The following ARMC9 variants were observed in gnomAD, a reference collection of about 807,000 sequenced individuals.
ARMC9 encodes lisH domain-containing protein ARMC9.
Under a neutral mutation model 107.0 loss-of-function variants are expected in ARMC9, and 94 were observed. The ratio of observed to expected loss-of-function variants is 0.88; its 90% confidence interval spans 0.74 to 1.04. The LOEUF is 1.04. Ranked by LOEUF, ARMC9 falls within the 50% of genes least tolerant of loss-of-function variation. The pLI is 0.00. For synonymous variants in ARMC9, 380 were observed against 396.9 expected (o/e 0.96, Z 0.51); for missense variants, 942 against 1,030.1 (o/e 0.91, Z 1.17).
At chr2:231,365,665 C>T (rs951686480) in intron 23 of ARMC9, among the ~76,000 whole-genome samples, 1 of 139,592 alleles carries the variant, frequency 7.2e-6, no homozygotes, top group Non-Finnish European at 1.6e-5. Context: ...AGGAACCAGC[C>T]GCACACACAG....
At chr2:231,308,267 C>T (rs1453171805) in intron 19 of ARMC9, among the ~76,000 whole-genome samples, 3 of 152,354 alleles carry the variant, frequency 2.0e-5, no homozygotes, top group East Asian at 3.9e-4. Flanking sequence ...ATTCCCCTCA[C>T]CCTTCTGCCA....
intron 9 of ARMC9, among the ~76,000 whole-genome samples, chr2:231,246,546 T>C (rs887038694): frequency 6.6e-6 from 1 of 152,258 alleles, no homozygotes; most frequent in African/African-American, 2.4e-5. Flanking sequence ...TGTTCTTTTT[T>C]ATGGTTTCGT....
chr2:231,327,649 A>AT (rs1202758218), intron 19 of ARMC9, among the ~76,000 whole-genome samples: 2 of 152,160 alleles, frequency 1.3e-5, no homozygotes, highest in African/African-American at 4.8e-5. Flanking sequence ...TCATATACAG[A>AT]TTTTTGTATG....
intron 16 of ARMC9, among the ~76,000 whole-genome samples, chr2:231,279,547 A>G (rs1400282006): frequency 2.8e-4 from 34 of 120,732 alleles, no homozygotes; most frequent in African/African-American, 7.0e-4. Context: ...GTCTCACTCT[A>G]TCATCCAGGC....
chr2:231,363,451 G>A (rs932283391), intron 23 of ARMC9, among the ~76,000 whole-genome samples: 8 of 152,188 alleles, frequency 5.3e-5, no homozygotes, highest in Non-Finnish European at 1.0e-4. Flanking sequence ...CAGAGGTCTG[G>A]GTCAGTGGTA....
intron 12 of ARMC9, among the ~76,000 whole-genome samples, chr2:231,264,488 T>G (rs2038674262): frequency 6.7e-6 from 1 of 149,940 alleles, no homozygotes; most frequent in South Asian, 2.1e-4. Flanking sequence ...TGTGGTTTAT[T>G]TATTTATTTA....
chr2:231,334,522 T>C (rs2043954549), intron 20 of ARMC9, among the ~76,000 whole-genome samples: 3 of 152,206 alleles, frequency 2.0e-5, no homozygotes, highest in African/African-American at 4.8e-5. Context: ...TTATTACATC[T>C]ACAAGGGTCT....
rs1475026761 is a variant in ARMC9 at position 231,374,588 on chromosome 2, T to C, written c.*3053T>C. 2.0e-5 allele frequency: 3 copies of C among 147,170 alleles called. No individual in the cohort carries two copies. The East Asian group carries it at 6.1e-4, about 30-fold the overall frequency. 9.1% of individuals were successfully genotyped at this position (147,170 alleles called of 1,614,324 possible). A position where few individuals can be genotyped will look rare whatever the true frequency, so the allele number is the denominator to read the frequency against. On this transcript the variant is annotated 3_prime_UTR_variant, in exon 25 of 25. Coordinates refer to ENST00000611582, the MANE Select transcript of ARMC9 (RefSeq NM_001352754.2). ...AATAAAAATAAAATAGTTGAACAAA[T>C]AAGGTTCATGAAAAAAAAAGAAAAG...
chr2:231,324,378 G>A (rs1314606762), intron 19 of ARMC9, among the ~76,000 whole-genome samples: 5 of 150,244 alleles, frequency 3.3e-5, no homozygotes, highest in South Asian at 2.1e-4. Context: ...CGCCCACCTC[G>A]GCCTCCCAAA....
chr2:231,325,140 C>G (rs1476037350), intron 19 of ARMC9, among the ~76,000 whole-genome samples: 1 of 152,186 alleles, frequency 6.6e-6, no homozygotes, highest in East Asian at 1.9e-4. Flanking sequence ...AGGAGGATCA[C>G]TGGAGCCTGG....
intron 5 of ARMC9, among the ~76,000 whole-genome samples, chr2:231,217,567 CAAAA>C (rs544667326): frequency 8.2e-6 from 1 of 122,420 alleles, no homozygotes. Flanking sequence ...GACCTTGTCT[CAAAA>C]AAAAAAAAAA....
chr2:231,361,542 G>A (rs989243700), intron 23 of ARMC9, among the ~76,000 whole-genome samples: 21 of 151,492 alleles, frequency 1.4e-4, no homozygotes, highest in African/African-American at 4.4e-4. Flanking sequence ...ACTGTGCCAC[G>A]TGAGCACAGA....
At chr2:231,235,814 G>C (rs2125361759) in intron 8 of ARMC9, among the ~76,000 whole-genome samples, 1 of 152,190 alleles carries the variant, frequency 6.6e-6, no homozygotes, top group South Asian at 2.1e-4. Flanking sequence ...AGTTAATTTT[G>C]CATTTTTAGT....
Position 231,296,196 on chromosome 2 carries a change from A to G in ARMC9, c.1718-2A>G. ...ATTCATTGATTCTTTTTTTCTTTATAGAAGAGCTACCAGATGGTGTTCTTG... is the reference window on the plus strand; with the variant it reads ...ATTCATTGATTCTTTTTTTCTTTATGGAAGAGCTACCAGATGGTGTTCTTG... On this transcript the variant is annotated splice_acceptor_variant, in intron 18 of 24. Transcript: ENST00000611582. LOFTEE classifies it high-confidence loss of function. The G allele has an allele frequency of 6.2e-7, 1 of 1,610,582 alleles. No homozygotes were observed. The highest frequency in any genetic ancestry group is 8.5e-7 in the Non-Finnish European group (1 of 1,178,212).
chr2:231,211,137 TACACAC>T lies in ARMC9; in HGVS notation c.177+2902_177+2907del, dbSNP rs757246857. 1.3e-3 allele frequency among the ~76,000 whole-genome samples: 194 copies of T among 147,354 alleles called. 1 individual carries two copies. The highest frequency in any genetic ancestry group is 4.7e-3 in the African/African-American group (184 of 39,186). On this transcript the variant is annotated intron_variant, in intron 3 of 24. Transcript: ENST00000611582. ...TCTGTGATATATATTCACAAACACA[TACACAC>T]ACACACACACACACACCCCCACAGT...
chr2:231,355,207 C>A (rs1349823023), intron 21 of ARMC9, among the ~76,000 whole-genome samples: 1 of 152,078 alleles, frequency 6.6e-6, no homozygotes, highest in Non-Finnish European at 1.5e-5. Flanking sequence ...AGTGTGGAGG[C>A]GCCCATCTGT....
At chr2:231,273,266 G>A (rs1215960305) in intron 14 of ARMC9, among the ~76,000 whole-genome samples, 188 bp downstream of exon 14, 1 of 152,230 alleles carries the variant, frequency 6.6e-6, no homozygotes, top group Non-Finnish European at 1.5e-5. Context: ...GCTGGGGATG[G>A]AGGAAGACAT....
chr2:231,204,534 T>G (rs1342739901), intron 1 of ARMC9, among the ~76,000 whole-genome samples: 7 of 152,146 alleles, frequency 4.6e-5, no homozygotes, highest in Non-Finnish European at 1.0e-4. Context: ...TTCCTTGCGC[T>G]GTTTTCTTCA....
Position 231,222,388 on chromosome 2 carries a change from C to T in ARMC9, c.505-340C>T, listed in dbSNP as rs1463275573. The stretch of plus-strand genomic sequence containing the variant: ...TTATGTTACGCCTCCCAGTGCTGTG[C>T]GTGCCTAGACTGTACTGAACTATTT... On this transcript the variant is annotated intron_variant, in intron 5 of 24. Coordinates refer to ENST00000611582, the MANE Select transcript of ARMC9 (RefSeq NM_001352754.2). Among the ~76,000 whole-genome samples the T allele has an allele frequency of 2.6e-5, 4 of 152,142 alleles. No individual in the cohort carries two copies. The East Asian group carries it at 7.7e-4, about 29-fold the overall frequency.
Sources: gnomAD v4.1 joint callset for allele counts (sites outside exome capture counted in the v4.1 genomes callset) on GRCh38, gnomAD v4.1.1 for gene constraint, MANE v1.5 for transcripts, NCBI Gene and HGNC (gene_info 2026-07-23, HGNC 2026-07-21) for gene names.